The following SNTB2 variants were observed in gnomAD, a reference collection of about 807,000 sequenced individuals.
The protein encoded by SNTB2 is syntrophin beta 2.
In SNTB2, 34 loss-of-function variants were observed where a neutral mutation model predicts 46.2. The ratio of observed to expected loss-of-function variants is 0.74; its 90% CI spans 0.56 to 0.98. The LOEUF is 0.98. Among genes scored for constraint, SNTB2 ranks in the 50% least tolerant of loss-of-function variants. The probability of loss-of-function intolerance (pLI) is 0.00; values close to 1 mark genes in which losing one functional copy is unlikely to be tolerated. For missense variants in SNTB2, 603 were observed against 731.4 expected (o/e 0.82, Z 2.02); for synonymous variants, 290 against 312.6 (o/e 0.93, Z 0.76).
intron 3 of SNTB2, among the ~76,000 whole-genome samples, chr16:69,268,883 CT>C (rs551669625): frequency 6.7e-6 from 1 of 149,594 alleles, no homozygotes; most frequent in South Asian, 2.1e-4. Flanking sequence ...AATAATAACA[CT>C]GTGGGTCTAG....
intron 1 of SNTB2, among the ~76,000 whole-genome samples, chr16:69,229,594 C>A (rs961804674): frequency 2.0e-5 from 3 of 148,844 alleles, no homozygotes; most frequent in African/African-American, 7.4e-5. Flanking sequence ...GATCCCAGCA[C>A]TTTGGGAGGC....
intron 2 of SNTB2, among the ~76,000 whole-genome samples, chr16:69,249,358 G>A (rs1964703710): frequency 6.6e-6 from 1 of 152,112 alleles, no homozygotes; most frequent in Admixed American, 6.6e-5. Flanking sequence ...TACCTGTAGT[G>A]CTGCTGATGT....
At position 69,245,574 on chromosome 16, in the gene SNTB2, CCTT is replaced by C. The variant is rs760163304; in HGVS notation, c.581-21_581-19del. 73 of 1,602,980 alleles carry C rather than the reference CCTT, an allele frequency of 4.6e-5. No individual in the cohort carries two copies. The highest frequency in any genetic ancestry group is 3.8e-4 in the Admixed American group (23 of 59,882). On this transcript the variant is annotated intron_variant, in intron 1 of 6. Transcript: ENST00000336278. The stretch of plus-strand genomic sequence containing the variant: ...TTATTATAGGAAGCAAAATTACTAA[CCTT>C]CTTCTTTGATTTTTTTGTTCATAGT...
chr16:69,267,030 CTTT>C (rs766798193), intron 3 of SNTB2, among the ~76,000 whole-genome samples: 4 of 142,812 alleles, frequency 2.8e-5, no homozygotes, highest in Admixed American at 7.0e-5. Flanking sequence ...ATCAGTTTAT[CTTT>C]TTTTTTTTTT....
At chr16:69,247,676 C>A (rs981641007) in intron 2 of SNTB2, among the ~76,000 whole-genome samples, 17 of 152,082 alleles carry the variant, frequency 1.1e-4, no homozygotes, top group Non-Finnish European at 2.2e-4. Flanking sequence ...TGAGCAAGTC[C>A]CTTCACTTCC....
At chr16:69,214,982 T>G (rs1964332284) in intron 1 of SNTB2, among the ~76,000 whole-genome samples, 1 of 151,702 alleles carries the variant, frequency 6.6e-6, no homozygotes, top group Non-Finnish European at 1.5e-5. Flanking sequence ...TAGCTGGGAT[T>G]ACAGGCATGT....
At chr16:69,259,304 C>T (rs1405198672) in intron 2 of SNTB2, among the ~76,000 whole-genome samples, 1 of 131,912 alleles carries the variant, frequency 7.6e-6, no homozygotes, top group African/African-American at 2.9e-5. Flanking sequence ...TGGATCTCGG[C>T]TCACTGCAAC....
intron 1 of SNTB2, among the ~76,000 whole-genome samples, chr16:69,245,326 T>A (rs1863340305): frequency 6.6e-6 from 1 of 152,114 alleles, no homozygotes; most frequent in Non-Finnish European, 1.5e-5. Context: ...CCTGAGTAGT[T>A]GGGACTACAG....
chr16:69,245,912 G>GTTTTCCTCTGTAT, intron 2 of SNTB2, 97 bp downstream of exon 2: 1 of 1,222,710 alleles, frequency 8.2e-7, no homozygotes, highest in Non-Finnish European at 1.2e-6. Flanking sequence ...TTATACAGAG[G>GTTTTCCTCTGTAT]AAAACATCTG....
chr16:69,291,772 T>C (rs1006135684), intron 5 of SNTB2, among the ~76,000 whole-genome samples: 11 of 151,894 alleles, frequency 7.2e-5, no homozygotes, highest in African/African-American at 2.7e-4. Flanking sequence ...ACCGCGTCTC[T>C]ATGAAAAATT....
intron 5 of SNTB2, among the ~76,000 whole-genome samples, chr16:69,289,616 C>A: frequency 6.6e-6 from 1 of 151,842 alleles, no homozygotes; most frequent in East Asian, 1.9e-4. Flanking sequence ...TCGCATGTAC[C>A]CCTAAGATAT....
intron 4 of SNTB2, among the ~76,000 whole-genome samples, chr16:69,272,357 A>G (rs1237217264): frequency 6.6e-6 from 1 of 152,002 alleles, no homozygotes; most frequent in African/African-American, 2.4e-5. Context: ...CCTGACCAAC[A>G]TGGTGAAATC....
intron 6 of SNTB2, among the ~76,000 whole-genome samples, chr16:69,300,499 C>G (rs562923694): frequency 5.9e-5 from 9 of 152,342 alleles, no homozygotes; most frequent in Non-Finnish European, 1.3e-4. Flanking sequence ...ATCTGCCCGC[C>G]TCAGCCTCCC....
intron 1 of SNTB2, among the ~76,000 whole-genome samples, chr16:69,237,354 G>A (rs1184078208): frequency 1.3e-5 from 2 of 152,148 alleles, no homozygotes; most frequent in East Asian, 1.9e-4. Flanking sequence ...TTGAGAAAGG[G>A]CCTTTGGATT....
At chr16:69,251,007 C>T (rs1355823447) in intron 2 of SNTB2, among the ~76,000 whole-genome samples, 1 of 142,598 alleles carries the variant, frequency 7.0e-6, no homozygotes, top group African/African-American at 2.6e-5. Flanking sequence ...GAGACGGAGT[C>T]TCGCTCTGTC....
chr16:69,216,315 ATTT>A (rs375516736), intron 1 of SNTB2, among the ~76,000 whole-genome samples: 1 of 152,158 alleles, frequency 6.6e-6, no homozygotes, highest in African/African-American at 2.4e-5. Context: ...TTTTAAAATT[ATTT>A]TTCACAAGTT....
intron 5 of SNTB2, among the ~76,000 whole-genome samples, chr16:69,290,075 G>C (rs1965146096): frequency 6.6e-6 from 1 of 152,176 alleles, no homozygotes; most frequent in South Asian, 2.1e-4. Context: ...AATGTGACGA[G>C]TAAATTCAAT....
chr16:69,287,788 G>A (rs1018232713), intron 5 of SNTB2, among the ~76,000 whole-genome samples: 1 of 152,004 alleles, frequency 6.6e-6, no homozygotes, highest in Non-Finnish European at 1.5e-5. Flanking sequence ...GAACCTGGGA[G>A]GCGGAGTCTG....
At chr16:69,228,762 C>T (rs1253744817) in intron 1 of SNTB2, among the ~76,000 whole-genome samples, 2 of 152,056 alleles carry the variant, frequency 1.3e-5, no homozygotes, top group Admixed American at 6.6e-5. Flanking sequence ...TGCCTACAAC[C>T]CTCAAGCACA....
Sources: gnomAD v4.1 joint callset for allele counts (sites outside exome capture counted in the v4.1 genomes callset) on GRCh38, gnomAD v4.1.1 for gene constraint, MANE v1.5 for transcripts, NCBI Gene and HGNC (gene_info 2026-07-23, HGNC 2026-07-21) for gene names.